INVS: variants seen among roughly 807,000 people sequenced by gnomAD.
INVS encodes the protein inversin, also known as inversion of embryo turning homolog.
Under a neutral mutation model 108.8 loss-of-function variants are expected in INVS, and 86 were observed. The ratio of observed to expected loss-of-function variants is 0.79; its 90% CI spans 0.66 to 0.95. The LOEUF (loss-of-function observed/expected upper bound fraction) is 0.95. Ranked by LOEUF, INVS falls within the 40% of genes least tolerant of loss-of-function variation. INVS has a pLI of 0.00. For missense variants in INVS, 1,169 were observed against 1,297.4 expected (o/e 0.90, Z 1.52); for synonymous variants, 455 against 473.5 (o/e 0.96, Z 0.51).
chr9:100,117,693 T>A, intron 2 of INVS: 1 of 584,386 alleles, frequency 1.7e-6, no homozygotes, highest in South Asian at 2.1e-5. Context: ...GGTTTTAGAT[T>A]TAAGTTTATG....
chr9:100,236,905 C>T (rs1386774950), intron 5 of INVS, among the ~76,000 whole-genome samples: 3 of 152,212 alleles, frequency 2.0e-5, no homozygotes, highest in South Asian at 2.1e-4. Context: ...AGATCTGCTG[C>T]TTTCTTCAGA....
intron 3 of INVS, among the ~76,000 whole-genome samples, chr9:100,193,268 T>C (rs1450013849): frequency 6.6e-6 from 1 of 152,162 alleles, no homozygotes; most frequent in African/African-American, 2.4e-5. Context: ...GCATCAGTCA[T>C]TGCGCCCAGT....
intron 7 of INVS, 121 bp from the exon 8 acceptor site, chr9:100,246,495 A>T: frequency 1.4e-6 from 1 of 690,010 alleles, no homozygotes; most frequent in Non-Finnish European, 2.5e-6. Context: ...ATTTAATTTG[A>T]TTCAAAAGCA....
chr9:100,129,410 G>C (rs1439974469), intron 3 of INVS, among the ~76,000 whole-genome samples: 1 of 151,946 alleles, frequency 6.6e-6, no homozygotes, highest in Non-Finnish European at 1.5e-5. Context: ...AGGTGGAAGG[G>C]TCGCTTGAGC....
intron 2 of INVS, chr9:100,117,602 GCCCCCCGCC>G: frequency 1.3e-5 from 9 of 672,952 alleles, no homozygotes; most frequent in Middle Eastern, 4.1e-4. Context: ...AGGGCCTCCG[GCCCCCCGCC>G]CCCCCCGCCC....
At chr9:100,212,727 G>A (rs924451670) in intron 3 of INVS, among the ~76,000 whole-genome samples, 1 of 151,878 alleles carries the variant, frequency 6.6e-6, no homozygotes, top group Non-Finnish European at 1.5e-5. Context: ...TTTCTATTGT[G>A]GGTTGCTGTA....
intron 12 of INVS, among the ~76,000 whole-genome samples, chr9:100,278,735 A>ACT (rs1833186914): frequency 6.6e-6 from 1 of 152,078 alleles, no homozygotes; most frequent in African/African-American, 2.4e-5. Flanking sequence ...CTTATACGTG[A>ACT]CTCTCCGTAA....
intron 6 of INVS, 43 bp downstream of exon 6, chr9:100,240,283 T>A: frequency 6.8e-7 from 1 of 1,464,366 alleles, no homozygotes. Flanking sequence ...ACTTCATGAG[T>A]ATAGGAATAT....
intron 3 of INVS, among the ~76,000 whole-genome samples, chr9:100,194,659 G>A (rs1477642144): frequency 6.6e-6 from 1 of 151,966 alleles, no homozygotes; most frequent in African/African-American, 2.4e-5. Flanking sequence ...CTGATCTTAG[G>A]AAGAAAGCAT....
intron 3 of INVS, among the ~76,000 whole-genome samples, chr9:100,225,077 A>G (rs1378657049): frequency 1.4e-5 from 2 of 141,594 alleles, no homozygotes; most frequent in African/African-American, 5.4e-5. Context: ...TTTTTTTTTG[A>G]GACGGAGTCT....
At chr9:100,174,383 A>G (rs1253603620) in intron 3 of INVS, among the ~76,000 whole-genome samples, 5 of 152,100 alleles carry the variant, frequency 3.3e-5, no homozygotes, top group African/African-American at 7.2e-5. Flanking sequence ...AGATAGATCA[A>G]TAGAAATTAA....
chr9:100,138,286 A>T (rs1438157672), intron 3 of INVS, among the ~76,000 whole-genome samples: 3 of 152,030 alleles, frequency 2.0e-5, no homozygotes, highest in Non-Finnish European at 2.9e-5. Flanking sequence ...CGTGCCTATA[A>T]TCCCAGCTAC....
At chr9:100,208,091 T>A (rs533375740) in intron 3 of INVS, among the ~76,000 whole-genome samples, 55 of 152,348 alleles carry the variant, frequency 3.6e-4, no homozygotes, top group African/African-American at 1.2e-3. Context: ...GCCACCAAGC[T>A]GTAGCATTAT....
chr9:100,169,371 A>G (rs1277857767), intron 3 of INVS, among the ~76,000 whole-genome samples: 2 of 152,204 alleles, frequency 1.3e-5, no homozygotes, highest in Admixed American at 1.3e-4. Context: ...GTATAATGCC[A>G]TCATTTGGAG....
chr9:100,110,370 A>G (rs886616619), intron 2 of INVS, among the ~76,000 whole-genome samples: 7 of 152,208 alleles, frequency 4.6e-5, no homozygotes, highest in Non-Finnish European at 1.0e-4. Context: ...ACTGAGATTA[A>G]AGCCAAGAAG....
chr9:100,244,516 T>C (rs2118515843), intron 7 of INVS, among the ~76,000 whole-genome samples: 1 of 152,220 alleles, frequency 6.6e-6, no homozygotes, highest in Middle Eastern at 3.4e-3. Context: ...GGTGTGCTAA[T>C]GGAAACAAGA....
chr9:100,175,797 T>G lies in INVS; in HGVS notation c.273+49248T>G. 4 of 658,250 alleles carry G rather than the reference T, an allele frequency of 6.1e-6. No individual in the cohort carries two copies. The African/African-American group carries it at 7.2e-5, about 12-fold the overall frequency. 40.8% of individuals were successfully genotyped at this position (658,250 alleles called of 1,614,324 possible). The stretch of plus-strand genomic sequence containing the variant: ...GAACATCCAGTCCTAGAACAGCCAT[T>G]CCTGAACACTCAGACCTGGTGCACC... On this transcript the variant is annotated intron_variant, in intron 3 of 16. Coordinates refer to ENST00000262457, the MANE Select transcript of INVS (RefSeq NM_014425.5).
At chr9:100,145,394 TAAG>T (rs1015650113) in intron 3 of INVS, among the ~76,000 whole-genome samples, 52 of 147,576 alleles carry the variant, frequency 3.5e-4, no homozygotes, top group East Asian at 1.2e-3. Flanking sequence ...GGTGCAGAGA[TAAG>T]AAGTCAGGGC....
At chr9:100,134,022 A>G (rs1332448827) in intron 3 of INVS, among the ~76,000 whole-genome samples, 1 of 152,104 alleles carries the variant, frequency 6.6e-6, no homozygotes, top group Non-Finnish European at 1.5e-5. Context: ...GATTTGTGAG[A>G]ACCTGGTACA....
Sources: gnomAD v4.1 joint callset for allele counts (sites outside exome capture counted in the v4.1 genomes callset) on GRCh38, gnomAD v4.1.1 for gene constraint, MANE v1.5 for transcripts, NCBI Gene and HGNC (gene_info 2026-07-23, HGNC 2026-07-21) for gene names.